Variants in TTLL4 observed in about 807,000 individuals in gnomAD.
TTLL4 encodes tubulin monoglutamylase TTLL4.
A neutral mutation model predicts 122.7 loss-of-function variants in TTLL4; 85 were observed. The observed-to-expected ratio is 0.69, with a 90% CI of 0.58 to 0.83. TTLL4 has a LOEUF of 0.83. TTLL4 is among the 40% of genes least tolerant of loss of function. The pLI is 0.00. For synonymous variants in TTLL4, 553 were observed against 563.0 expected, an observed-to-expected ratio of 0.98 and a Z score of 0.25; for missense variants, 1,363 against 1,488.6, an observed-to-expected ratio of 0.92 and a Z score of 1.39.
At chr2:218,711,319 C>T (rs1285487631) in intron 1 of TTLL4, among the ~76,000 whole-genome samples, 2 of 152,220 alleles carry the variant, frequency 1.3e-5, no homozygotes, top group Non-Finnish European at 2.9e-5. Context: ...CTGCCTCATC[C>T]CCTAGTTATG....
Position 218,747,408 on chromosome 2 carries a change from C to T in TTLL4, c.2249+36C>T, listed in dbSNP as rs1466586038. On this transcript the variant is annotated intron_variant, in intron 10 of 19. Transcript: ENST00000392102. This position sits in a 1 kb window ranked among gnomAD's most constrained non-coding sequence, Gnocchi z 4.7. ...AGCACATATCCCTTACCCCATCCTC[C>T]CACCTCCTTGGCCTCGAGGTTCCCT... 1 of 1,607,072 alleles carries T rather than the reference C, an allele frequency of 6.2e-7. No homozygotes were observed. The highest frequency in any genetic ancestry group is 1.1e-5 in the South Asian group (1 of 90,560).
chr2:218,740,182 CT>C lies in TTLL4; in HGVS notation c.1597+18del, dbSNP rs749628301. On this transcript the variant is annotated intron_variant, in intron 4 of 19. Coordinates refer to ENST00000392102, the MANE Select transcript of TTLL4 (RefSeq NM_014640.5). ...AGAGGAGGAGGGTGAGTAGGAAACC[CT>C]TTCACTTCCAACTAGGAGTTGGTTA... 1.2e-6 allele frequency: 2 copies of C among 1,612,596 alleles called. No individual in the cohort carries two copies. The highest frequency in any genetic ancestry group is 1.1e-5 in the South Asian group (1 of 90,994).
chr2:218,730,014 G>T (rs528969755), intron 2 of TTLL4, among the ~76,000 whole-genome samples: 2 of 152,194 alleles, frequency 1.3e-5, no homozygotes, highest in African/African-American at 2.4e-5. Flanking sequence ...AAAGTATTGG[G>T]ATTACAGGCG....
chr2:218,721,136 A>G (rs1248708306), intron 1 of TTLL4, among the ~76,000 whole-genome samples: 1 of 152,162 alleles, frequency 6.6e-6, no homozygotes, highest in East Asian at 1.9e-4. Flanking sequence ...TTTGTAATAA[A>G]TAGGTAAATG....
In TTLL4 at chr2:218,738,500, G is replaced by C. The variant is rs758402347; in HGVS notation, c.824G>C (p.Gly275Ala). ...GACCATAAGGTGCCCAAAAGCATTGGCACTGTCCCAGCTGATGCCAGTGCC... is the reference window on the plus strand; with the variant it reads ...GACCATAAGGTGCCCAAAAGCATTGCCACTGTCCCAGCTGATGCCAGTGCC... Reference protein sequence around the residue: ...PVDHKVPKSIGTVPADASAHI... With the variant: ...PVDHKVPKSIATVPADASAHI... Residue 275 changes from glycine (G) to alanine (A), a missense_variant, in exon 3 of 20, where the codon GGC (glycine) becomes GCC (alanine). Coordinates refer to ENST00000392102, the MANE Select transcript of TTLL4 (RefSeq NM_014640.5). The C allele has an allele frequency of 2.5e-6, 4 of 1,614,058 alleles. No individual in the cohort carries two copies. The highest frequency in any genetic ancestry group is 3.4e-6 in the Non-Finnish European group (4 of 1,180,056).
intron 5 of TTLL4, among the ~76,000 whole-genome samples, chr2:218,743,029 A>G (rs1471445157): frequency 2.6e-5 from 4 of 152,100 alleles, no homozygotes; most frequent in African/African-American, 4.8e-5. Context: ...CTATAATCCC[A>G]GCTACTCGGG....
chr2:218,754,607 G>A lies in TTLL4; in HGVS notation c.*218G>A. 1.5e-6 allele frequency: 1 copy of A among 648,384 alleles called. No homozygotes were observed. Among genetic ancestry groups the A allele is most frequent in the Non-Finnish European group, 2.6e-6 (1 of 387,982 alleles). The allele number at this position is 648,384 out of a possible 1,614,324, so 40.2% of individuals were successfully genotyped here. A position where few individuals can be genotyped will look rare whatever the true frequency, so the allele number is the denominator to read the frequency against. ...GAGGAAGGGTCACCCTCTGTCACCT[G>A]TCTGCCTGGCTGGCACCTCATATCT... On this transcript the variant is annotated 3_prime_UTR_variant, in exon 20 of 20. Transcript: ENST00000392102.
At chr2:218,721,240 A>T (rs908729442) in intron 1 of TTLL4, among the ~76,000 whole-genome samples, 1 of 36,626 alleles carries the variant, frequency 2.7e-5, no homozygotes, top group Non-Finnish European at 5.4e-5. Flanking sequence ...ACCCCCAATT[A>T]ATTAATTAAT....
chr2:218,753,778 G>A, intron 19 of TTLL4, 109 bp downstream of exon 19: 1 of 1,228,634 alleles, frequency 8.1e-7, no homozygotes, highest in Non-Finnish European at 1.2e-6. Context: ...TCCAGCTGGG[G>A]GTTGGTGGGA....
intron 5 of TTLL4, among the ~76,000 whole-genome samples, chr2:218,742,887 C>G (rs1303832289): frequency 6.6e-6 from 1 of 152,144 alleles, no homozygotes; most frequent in East Asian, 1.9e-4. Context: ...CTTTGGGAGG[C>G]TGAGGCAGGT....
chr2:218,717,662 G>C (rs1200792060), intron 1 of TTLL4, among the ~76,000 whole-genome samples: 7 of 152,166 alleles, frequency 4.6e-5, no homozygotes, highest in African/African-American at 1.7e-4. Context: ...TCCTCTCTTA[G>C]TAGGGCTTTA....
chr2:218,758,009 A>T (rs779927017), downstream of TTLL4, among the ~76,000 whole-genome samples: 6 of 152,302 alleles, frequency 3.9e-5, no homozygotes, highest in Non-Finnish European at 8.8e-5. Flanking sequence ...AGCCTTTCAC[A>T]ACCCTTCTTG....
In TTLL4 at chr2:218,739,002, C is replaced by T. The variant is rs1276711670; in HGVS notation, c.1326C>T (p.Asp442=). 3 of 1,614,178 alleles carry T rather than the reference C, an allele frequency of 1.9e-6. No individual in the cohort carries two copies. Among genetic ancestry groups the T allele is most frequent in the African/African-American group, 1.3e-5 (1 of 75,030 alleles). ...ACCCTGCCTGTGAATCTGTAATTGA[C>T]TCCTCAGCATTTGGAGAAGGCAAAG... ...NHNPACESVI[D]SSAFGEGKAP... is the part of the protein sequence containing the mutation. Residue 442 remains aspartate (D), a synonymous_variant, in exon 3 of 20, where the codon GAC becomes GAT. Transcript: ENST00000392102.
chr2:218,741,518 A>G (rs571514966), intron 5 of TTLL4, among the ~76,000 whole-genome samples: 85 of 152,286 alleles, frequency 5.6e-4, no homozygotes, highest in African/African-American at 1.7e-3. Context: ...CAGCACACCA[A>G]TTTTAGAGCC....
intron 7 of TTLL4, 46 bp downstream of exon 7, chr2:218,745,847 G>A: frequency 2.6e-6 from 4 of 1,543,998 alleles, no homozygotes; most frequent in Non-Finnish European, 3.6e-6. Flanking sequence ...GCCCCAAATA[G>A]ATGGGCTTTG....
chr2:218,722,269 A>G (rs1432832098), intron 1 of TTLL4, among the ~76,000 whole-genome samples: 1 of 152,176 alleles, frequency 6.6e-6, no homozygotes, highest in Non-Finnish European at 1.5e-5. Flanking sequence ...TTAAAATTGT[A>G]GGAAAAGGTA....
intron 1 of TTLL4, among the ~76,000 whole-genome samples, chr2:218,723,824 A>C (rs753530861): frequency 5.9e-5 from 9 of 152,222 alleles, no homozygotes; most frequent in Non-Finnish European, 1.2e-4. Context: ...TTACAGATTA[A>C]AGGAGACTAA....
chr2:218,741,123 C>T (rs954033058), intron 5 of TTLL4, among the ~76,000 whole-genome samples: 1 of 152,278 alleles, frequency 6.6e-6, no homozygotes, highest in South Asian at 2.1e-4. Context: ...GGCGCAGTGG[C>T]TTATGCCTGT....
At chr2:218,720,463 T>C (rs951772879) in intron 1 of TTLL4, among the ~76,000 whole-genome samples, 2 of 152,056 alleles carry the variant, frequency 1.3e-5, no homozygotes, top group Non-Finnish European at 2.9e-5. Context: ...TATTGTGATA[T>C]AATAAGAAAT....
Sources: allele counts gnomAD v4.1 joint callset (sites outside exome capture counted in the v4.1 genomes callset), GRCh38; gene constraint gnomAD v4.1.1; non-coding constraint Gnocchi (gnomAD v3.1); transcripts MANE v1.5; gene names NCBI Gene and HGNC (gene_info 2026-07-23, HGNC 2026-07-21).